Variants in EPB41L2 observed in about 807,000 individuals in gnomAD.
EPB41L2 encodes erythrocyte membrane protein band 4.1 like 2.
EPB41L2 carries 43 observed loss-of-function variants against 113.0 expected under a neutral mutation model. The ratio of observed to expected loss-of-function variants is 0.38; its 90% confidence interval spans 0.30 to 0.49. The LOEUF (loss-of-function observed/expected upper bound fraction) is 0.49, where lower values mean the gene tolerates loss of function less well. EPB41L2 is among the 20% of genes least tolerant of loss of function. EPB41L2 has a pLI of 0.95. For missense variants in EPB41L2, 1,147 were observed against 1,223.4 expected, an observed-to-expected ratio of 0.94 and a Z score of 0.93; for synonymous variants, 442 against 436.7, an observed-to-expected ratio of 1.01 and a Z score of -0.15.
Position 130,907,088 on chromosome 6 carries a change from AT to A in EPB41L2, c.853+1732del, listed in dbSNP as rs1464821930. On this transcript the variant is annotated intron_variant, in intron 5 of 19. Coordinates refer to ENST00000337057, the MANE Select transcript of EPB41L2 (RefSeq NM_001431.4). ...CTGAAGAGAGTGGCACAAAAAAAAAATAATAATAATAATCAAACAAGAACCC... is the reference window on the plus strand; with the variant it reads ...CTGAAGAGAGTGGCACAAAAAAAAAAAATAATAATAATCAAACAAGAACCC... 1.7e-3 allele frequency among the ~76,000 whole-genome samples: 265 copies of A among 152,262 alleles called. 2 individuals carry two copies. Among genetic ancestry groups the A allele is most frequent in the African/African-American group, 6.1e-3 (255 of 41,548 alleles).
chr6:131,062,838 C>CGGAAGAG (rs1025502204), intron 1 of EPB41L2, among the ~76,000 whole-genome samples: 1 of 151,914 alleles, frequency 6.6e-6, no homozygotes, highest in Non-Finnish European at 1.5e-5. Flanking sequence ...CCCGGTCCCC[C>CGGAAGAG]GGAAGAGGGA....
intron 1 of EPB41L2, among the ~76,000 whole-genome samples, chr6:130,993,981 T>C (rs137984182): frequency 6.6e-6 from 1 of 152,294 alleles, no homozygotes; most frequent in Non-Finnish European, 1.5e-5. Flanking sequence ...TTACCGACTT[T>C]AAGCCACAGT....
chr6:131,023,296 T>C (rs1789944623), intron 1 of EPB41L2, among the ~76,000 whole-genome samples: 1 of 151,766 alleles, frequency 6.6e-6, no homozygotes, highest in South Asian at 2.1e-4. Flanking sequence ...GCCTAATTTA[T>C]TTCCTATTAT....
intron 1 of EPB41L2, among the ~76,000 whole-genome samples, chr6:131,030,712 G>A (rs929833125): frequency 3.3e-5 from 5 of 152,126 alleles, no homozygotes; most frequent in Non-Finnish European, 7.4e-5. Context: ...CATGTATACA[G>A]CAACAGCTGC....
At chr6:130,910,330 C>T (rs77569091) in intron 4 of EPB41L2, among the ~76,000 whole-genome samples, 3 of 151,952 alleles carry the variant, frequency 2.0e-5, no homozygotes, top group African/African-American at 7.3e-5. Context: ...AGCCATATGC[C>T]GAAAACTGAA....
intron 4 of EPB41L2, among the ~76,000 whole-genome samples, chr6:130,923,112 G>C (rs1014779591): frequency 2.6e-5 from 4 of 152,040 alleles, no homozygotes; most frequent in African/African-American, 7.2e-5. Context: ...TTAATTCTTG[G>C]TATCTGTCAT....
chr6:130,946,584 C>T (rs1812893832), intron 3 of EPB41L2, among the ~76,000 whole-genome samples: 1 of 151,596 alleles, frequency 6.6e-6, no homozygotes, highest in South Asian at 2.1e-4. Context: ...GGTTGATAGC[C>T]CACAGGAAAA....
chr6:130,956,623 C>G, intron 1 of EPB41L2, 124 bp from the exon 2 acceptor site: 2 of 874,480 alleles, frequency 2.3e-6, no homozygotes, highest in Non-Finnish European at 3.4e-6. Flanking sequence ...GAAAGCACAT[C>G]AAGAAAGAAG....
chr6:130,863,757 A>C, intron 17 of EPB41L2, 39 bp from the exon 18 acceptor site: 1 of 1,454,048 alleles, frequency 6.9e-7, no homozygotes, highest in Non-Finnish European at 9.7e-7. Flanking sequence ...AACAGCAATC[A>C]CTGAAGCACG....
chr6:131,037,800 G>C (rs1179178645), intron 1 of EPB41L2, among the ~76,000 whole-genome samples: 2 of 151,952 alleles, frequency 1.3e-5, no homozygotes, highest in African/African-American at 4.8e-5. Context: ...TCTTGGCCAA[G>C]CTGGTCTCAA....
chr6:130,841,503 G>A (rs928301229), intron 19 of EPB41L2, among the ~76,000 whole-genome samples: 1 of 152,214 alleles, frequency 6.6e-6, no homozygotes, highest in African/African-American at 2.4e-5. Flanking sequence ...GCAAGGAGTA[G>A]AGGCAGGAAC....
intron 3 of EPB41L2, among the ~76,000 whole-genome samples, chr6:130,927,074 C>T (rs2128553821): frequency 6.6e-6 from 1 of 152,258 alleles, no homozygotes; most frequent in Non-Finnish European, 1.5e-5. Flanking sequence ...TACACTACTC[C>T]CCAGGAAAAT....
intron 1 of EPB41L2, among the ~76,000 whole-genome samples, chr6:130,963,078 C>T (rs552583861): frequency 6.6e-6 from 1 of 151,630 alleles, no homozygotes; most frequent in Non-Finnish European, 1.5e-5. Flanking sequence ...ACAAAGGACA[C>T]TGGCAAGAGA....
In EPB41L2 at chr6:131,023,093, AACT is replaced by A. The variant is rs377258337; in HGVS notation, c.-15+40059_-15+40061del. 1.3e-4 allele frequency among the ~76,000 whole-genome samples: 20 copies of A among 152,330 alleles called. No homozygotes were observed. In the East Asian group the frequency reaches 3.9e-3, roughly 29 times the overall value. On this transcript the variant is annotated intron_variant, in intron 1 of 19. Transcript: ENST00000337057. ...AAAATGAATATAGTATGTCCTAAAA[AACT>A]ACGTTAGATAAGTTTTACACAATTT...
intron 1 of EPB41L2, among the ~76,000 whole-genome samples, chr6:130,981,866 C>T (rs1779448336): frequency 6.6e-6 from 1 of 151,894 alleles, no homozygotes; most frequent in Admixed American, 6.6e-5. Flanking sequence ...TATGCAAAAT[C>T]CCTAACTGAA....
intron 1 of EPB41L2, among the ~76,000 whole-genome samples, chr6:130,993,098 G>A (rs543380544): frequency 6.6e-6 from 1 of 152,234 alleles, no homozygotes; most frequent in East Asian, 1.9e-4. Flanking sequence ...CAATCTTTGT[G>A]TTATTTTACA....
intron 1 of EPB41L2, among the ~76,000 whole-genome samples, chr6:130,993,739 A>T (rs1782431986): frequency 6.6e-6 from 1 of 152,164 alleles, no homozygotes; most frequent in East Asian, 1.9e-4. Context: ...GGAGTTATTC[A>T]TTCCCTTAAG....
At chr6:130,893,057 T>C (rs1481690920) in intron 10 of EPB41L2, among the ~76,000 whole-genome samples, 1 of 152,150 alleles carries the variant, frequency 6.6e-6, no homozygotes, top group Admixed American at 6.5e-5. Flanking sequence ...AAACTACATG[T>C]AAAAAACATG....
chr6:130,965,617 G>A (rs1321126792), intron 1 of EPB41L2, among the ~76,000 whole-genome samples: 124 of 146,546 alleles, frequency 8.5e-4, no homozygotes, highest in African/African-American at 2.9e-3. Context: ...CAATGGTGGG[G>A]AAAGTGGCCA....
Sources: allele counts gnomAD v4.1 joint callset (sites outside exome capture counted in the v4.1 genomes callset), GRCh38; gene constraint gnomAD v4.1.1; transcripts MANE v1.5; gene names NCBI Gene and HGNC (gene_info 2026-07-23, HGNC 2026-07-21).